Variants in ME1 observed in about 807,000 individuals in gnomAD.
ME1 encodes the protein NADP-dependent malic enzyme.
In ME1, 74 loss-of-function variants were observed where a neutral mutation model predicts 66.4. The observed-to-expected ratio is 1.11, with a 90% CI of 0.92 to 1.35. The LOEUF is 1.35. ME1 is among the 40% of genes most tolerant of loss of function. The probability of loss-of-function intolerance (pLI) is 0.00; values close to 1 mark genes in which losing one functional copy is unlikely to be tolerated. For missense variants in ME1, 750 were observed against 694.1 expected (o/e 1.08, Z -0.90); for synonymous variants, 251 against 235.6 (o/e 1.07, Z -0.60).
chr6:83,315,404 T>C lies in ME1; in HGVS notation c.610A>G (p.Lys204Glu). 1 of 1,575,078 alleles carries C rather than the reference T, an allele frequency of 6.3e-7. No homozygotes were observed. Among genetic ancestry groups the C allele is most frequent in the Non-Finnish European group, 8.7e-7 (1 of 1,154,816 alleles). ...DVGTENEELLKDPLYIGLRQR... is the reference protein window; with the variant it reads ...DVGTENEELLEDPLYIGLRQR... ...CGTAGTCCAATGTAGAGTGGATCTT[T>C]AAGTAACTCCTATTAAAAAAAGTTA... The change falls in exon 6 of 14, where the codon AAA becomes GAA. Residue 204 changes from lysine (K) to glutamate (E), a missense_variant. Physicochemically the swap from Lys to Glu is moderately conservative, Grantham distance 56. Transcript: ENST00000369705.
At chr6:83,288,437 T>A (rs1767438135) in intron 6 of ME1, among the ~76,000 whole-genome samples, 1 of 152,206 alleles carries the variant, frequency 6.6e-6, no homozygotes. Flanking sequence ...CTTGTGTGTG[T>A]CAGTTTTGTC....
intron 6 of ME1, among the ~76,000 whole-genome samples, chr6:83,258,590 C>T (rs1002816118): frequency 3.3e-5 from 5 of 152,018 alleles, no homozygotes; most frequent in African/African-American, 1.2e-4. Context: ...GATTTTGCTC[C>T]CGTGGCATTG....
chr6:83,275,210 A>C (rs74961437), intron 6 of ME1, among the ~76,000 whole-genome samples: 8,299 of 151,632 alleles, frequency 0.055, 768 homozygotes, highest in African/African-American at 0.19. Context: ...GCCAGGCGCC[A>C]GTAATCCCAG....
chr6:83,350,463 T>C (rs1768777230), intron 4 of ME1, among the ~76,000 whole-genome samples: 1 of 152,168 alleles, frequency 6.6e-6, no homozygotes. Context: ...TTGTTAATTC[T>C]TGTTTGTTTG....
intron 2 of ME1, among the ~76,000 whole-genome samples, chr6:83,407,142 G>A (rs1016754877): frequency 4.6e-5 from 7 of 151,848 alleles, no homozygotes; most frequent in Non-Finnish European, 8.8e-5. Flanking sequence ...CTAATCCATG[G>A]ATGAAAAAAA....
Position 83,385,003 on chromosome 6 carries a change from C to T in ME1, c.362+13364G>A, listed in dbSNP as rs149222600. On this transcript the variant is annotated intron_variant, in intron 3 of 13. Coordinates refer to ENST00000369705, the MANE Select transcript of ME1 (RefSeq NM_002395.6). ...TCTGAGGCTATGCCATGCAAGCATA[C>T]ACTTTCTTCTATATGAACATCTTTC... 5.3e-4 allele frequency among the ~76,000 whole-genome samples: 81 copies of T among 151,960 alleles called. 1 individual carries two copies. Among genetic ancestry groups the T allele is most frequent in the African/African-American group, 1.7e-3 (69 of 41,394 alleles).
intron 3 of ME1, among the ~76,000 whole-genome samples, chr6:83,361,918 T>C (rs556068434): frequency 3.3e-5 from 5 of 152,190 alleles, no homozygotes; most frequent in East Asian, 3.9e-4. Flanking sequence ...GTGTCCATGG[T>C]CTCCACTCCT....
At chr6:83,243,098 CA>C (rs1389772187) in intron 7 of ME1, among the ~76,000 whole-genome samples, 1 of 150,666 alleles carries the variant, frequency 6.6e-6, no homozygotes, top group Non-Finnish European at 1.5e-5. Flanking sequence ...CTCTACCCCC[CA>C]AAAATTTTTT....
chr6:83,252,056 T>C (rs1790734207), intron 7 of ME1, among the ~76,000 whole-genome samples: 1 of 152,110 alleles, frequency 6.6e-6, no homozygotes. Context: ...GAGAAATCTA[T>C]GAAAAACACA....
At position 83,378,557 on chromosome 6, in the gene ME1, G is replaced by A. The variant is rs550697997; in HGVS notation, c.362+19810C>T. ...GAATGAGTCAGAAATAATCTTTGCCGAAGACAGTTTGCTATATTGTTAAAG... is the reference window on the plus strand; with the variant it reads ...GAATGAGTCAGAAATAATCTTTGCCAAAGACAGTTTGCTATATTGTTAAAG... On this transcript the variant is annotated intron_variant, in intron 3 of 13. Transcript: ENST00000369705. Among the ~76,000 whole-genome samples the A allele has an allele frequency of 2.4e-4, 37 of 152,144 alleles. No homozygotes were observed. In the South Asian group the frequency reaches 7.3e-3, roughly 30 times the overall value.
At chr6:83,322,247 C>T (rs1768193886) in intron 5 of ME1, among the ~76,000 whole-genome samples, 1 of 152,078 alleles carries the variant, frequency 6.6e-6, no homozygotes, top group Admixed American at 6.5e-5. Context: ...TAACTCTTCT[C>T]CTCCAAAGGA....
At chr6:83,281,844 AACAAAAAAGAG>A (rs1767299328) in intron 6 of ME1, among the ~76,000 whole-genome samples, 3 of 138,776 alleles carry the variant, frequency 2.2e-5, no homozygotes, top group African/African-American at 2.7e-5. Flanking sequence ...AAGAAAAGAA[AACAAAAAAGAG>A]AAAAAAAAAA....
chr6:83,222,975 G>A (rs1474116979), intron 12 of ME1, among the ~76,000 whole-genome samples: 1 of 152,062 alleles, frequency 6.6e-6, no homozygotes, highest in Non-Finnish European at 1.5e-5. Flanking sequence ...TTCCTATTTT[G>A]ATCTAATTTC....
chr6:83,230,466 T>A (rs1583329763), intron 9 of ME1, among the ~76,000 whole-genome samples: 1 of 152,298 alleles, frequency 6.6e-6, no homozygotes. Flanking sequence ...GACTTCTACC[T>A]CATCAGGTTG....
intron 6 of ME1, among the ~76,000 whole-genome samples, chr6:83,314,654 G>A (rs929615699): frequency 6.7e-6 from 1 of 149,940 alleles, no homozygotes; most frequent in Non-Finnish European, 1.5e-5. Context: ...GTGTAGATAT[G>A]GGTACCATCT....
intron 5 of ME1, among the ~76,000 whole-genome samples, chr6:83,333,439 GAATA>G (rs1244990928): frequency 2.6e-5 from 4 of 152,072 alleles, no homozygotes; most frequent in Non-Finnish European, 4.4e-5. Context: ...AGCAGTGAAA[GAATA>G]AATACAAAAA....
At chr6:83,326,598 A>G (rs1203137081) in intron 5 of ME1, among the ~76,000 whole-genome samples, 4 of 152,208 alleles carry the variant, frequency 2.6e-5, no homozygotes, top group African/African-American at 7.2e-5. Context: ...CATTTTCAAA[A>G]GAAGGCATGT....
At chr6:83,220,341 A>C (rs945666082) in intron 12 of ME1, among the ~76,000 whole-genome samples, 1 of 152,156 alleles carries the variant, frequency 6.6e-6, no homozygotes, top group Non-Finnish European at 1.5e-5. Flanking sequence ...GGAGGCTGAG[A>C]TTTGTCTCCC....
intron 6 of ME1, among the ~76,000 whole-genome samples, chr6:83,307,073 G>A (rs1767838036): frequency 6.6e-6 from 1 of 152,104 alleles, no homozygotes. Context: ...CTGGGATACT[G>A]ACAGGGATGC....
Sources: gnomAD v4.1 joint callset for allele counts (sites outside exome capture counted in the v4.1 genomes callset) on GRCh38, gnomAD v4.1.1 for gene constraint, MANE v1.5 for transcripts, NCBI Gene and HGNC (gene_info 2026-07-23, HGNC 2026-07-21) for gene names.